RPH3A: variants seen among roughly 807,000 people sequenced by gnomAD.
The protein encoded by RPH3A is rabphilin-3A.
A neutral mutation model predicts 102.2 loss-of-function variants in RPH3A; 48 were observed. That is an observed-to-expected ratio of 0.47 (90% CI 0.37 to 0.60). RPH3A has a LOEUF of 0.60. Ranked by LOEUF, RPH3A falls within the 20% of genes least tolerant of loss-of-function variation. The pLI is 0.00. For synonymous variants in RPH3A, 310 were observed against 324.3 expected (o/e 0.96, Z 0.47); for missense variants, 781 against 910.1 (o/e 0.86, Z 1.83).
intron 1 of RPH3A, among the ~76,000 whole-genome samples, chr12:112,579,219 T>C (rs1164526544): frequency 3.3e-5 from 5 of 152,310 alleles, no homozygotes; most frequent in East Asian, 3.9e-4. Context: ...CGCACTTCCA[T>C]TGGGCAGAGT....
chr12:112,755,137 T>C (rs2040813532), intron 1 of RPH3A, among the ~76,000 whole-genome samples: 1 of 152,306 alleles, frequency 6.6e-6, no homozygotes, highest in Non-Finnish European at 1.5e-5. Context: ...TCACCTGATT[T>C]TTAAAATATC....
intron 20 of RPH3A, chr12:112,895,495 C>T (rs751642400): frequency 1.4e-5 from 5 of 349,998 alleles, no homozygotes; most frequent in Admixed American, 3.7e-5. Context: ...CATTTACCTA[C>T]AAGGAAACTT....
At chr12:112,789,486 A>G (rs1241198506), upstream of RPH3A, among the ~76,000 whole-genome samples, 1 of 152,228 alleles carries the variant, frequency 6.6e-6, no homozygotes, top group East Asian at 1.9e-4. Flanking sequence ...CTGAGTTTGA[A>G]TGCTGTGTCT....
intron 17 of RPH3A, among the ~76,000 whole-genome samples, chr12:112,889,472 C>T (rs969533938): frequency 1.3e-5 from 2 of 152,380 alleles, no homozygotes; most frequent in African/African-American, 4.8e-5. Context: ...CCTTGCACCA[C>T]GAACTTCCCC....
intron 1 of RPH3A, among the ~76,000 whole-genome samples, chr12:112,672,910 T>A (rs1344890058): frequency 2.0e-5 from 3 of 152,046 alleles, no homozygotes; most frequent in African/African-American, 7.3e-5. Flanking sequence ...CAGCCAGAAG[T>A]GTCAAGGCAT....
At chr12:112,615,980 G>C (rs1299095465) in intron 1 of RPH3A, among the ~76,000 whole-genome samples, 1 of 152,098 alleles carries the variant, frequency 6.6e-6, no homozygotes, top group Non-Finnish European at 1.5e-5. Flanking sequence ...CTTGTCCCTA[G>C]GACCCTCTGT....
chr12:112,774,793 G>A (rs1265640385), intron 1 of RPH3A, among the ~76,000 whole-genome samples: 1 of 151,756 alleles, frequency 6.6e-6, no homozygotes, highest in Non-Finnish European at 1.5e-5. Flanking sequence ...GAGGTAGGGG[G>A]CGGAGAGCAG....
At chr12:112,672,812 G>T in intron 1 of RPH3A, among the ~76,000 whole-genome samples, 1 of 152,278 alleles carries the variant, frequency 6.6e-6, no homozygotes, top group South Asian at 2.1e-4. Flanking sequence ...TCTCGCTTCC[G>T]AAGAGACCTT....
intron 21 of RPH3A, among the ~76,000 whole-genome samples, 183 bp from the exon 22 acceptor site, chr12:112,896,467 G>T (rs1402260014): frequency 2.0e-5 from 3 of 152,176 alleles, no homozygotes; most frequent in African/African-American, 4.8e-5. Context: ...GGTTCTTGAG[G>T]CAGAGAAGGA....
At chr12:112,782,926 T>C (rs2041019039) in intron 1 of RPH3A, among the ~76,000 whole-genome samples, 1 of 152,220 alleles carries the variant, frequency 6.6e-6, no homozygotes, top group Admixed American at 6.5e-5. Flanking sequence ...GGACAGAGTC[T>C]CATGGGTCAC....
intron 3 of RPH3A, among the ~76,000 whole-genome samples, chr12:112,834,887 A>ACTTTC (rs1555214419): frequency 6.6e-6 from 1 of 151,424 alleles, no homozygotes; most frequent in Admixed American, 6.6e-5. Context: ...CAAGTCTGTT[A>ACTTTC]CTTTCCTTTT....
intron 15 of RPH3A, 71 bp downstream of exon 15, chr12:112,881,917 C>A: frequency 7.8e-7 from 1 of 1,278,818 alleles, no homozygotes; most frequent in Non-Finnish European, 1.1e-6. Context: ...GTTCTCAGCT[C>A]AGAGCCCAAA....
At chr12:112,710,943 G>A (rs969871293) in intron 1 of RPH3A, among the ~76,000 whole-genome samples, 3 of 152,096 alleles carry the variant, frequency 2.0e-5, no homozygotes, top group Non-Finnish European at 4.4e-5. Flanking sequence ...ATGAATAAGT[G>A]AATGAAACAA....
In RPH3A at chr12:112,762,823, CAG is replaced by C. The variant is rs2040862908; in HGVS notation, c.-139-29313_-139-29312del. Among the ~76,000 whole-genome samples the C allele has an allele frequency of 2.0e-5, 3 of 152,172 alleles. No individual in the cohort carries two copies. In the South Asian group the frequency reaches 6.2e-4, roughly 32 times the overall value. ...GAGAACTCCTTTTTATTTAAGGTTC[CAG>C]AGAGAGTCTGAGATGTCCTCTCACT... On this transcript the variant is annotated intron_variant, in intron 1 of 21. Transcript: ENST00000543106.
At chr12:112,733,103 T>C (rs2040645359) in intron 1 of RPH3A, among the ~76,000 whole-genome samples, 1 of 152,100 alleles carries the variant, frequency 6.6e-6, no homozygotes, top group Non-Finnish European at 1.5e-5. Context: ...ATGTTTGAGA[T>C]AAGAACCTCA....
intron 1 of RPH3A, among the ~76,000 whole-genome samples, chr12:112,712,030 C>A (rs1245567376): frequency 2.0e-5 from 3 of 152,046 alleles, no homozygotes; most frequent in African/African-American, 4.8e-5. Context: ...TGGGGTTTCT[C>A]CATGTTGGTC....
At chr12:112,773,032 A>G (rs1322660324) in intron 1 of RPH3A, among the ~76,000 whole-genome samples, 5 of 151,984 alleles carry the variant, frequency 3.3e-5, no homozygotes, top group Admixed American at 2.0e-4. Context: ...ATAGTCTCCA[A>G]TCTCATCCAG....
In RPH3A at chr12:112,612,373, G is replaced by C. The variant is rs375038947; in HGVS notation, c.-140+37054G>C. Among the ~76,000 whole-genome samples the C allele has an allele frequency of 4.9e-4, 75 of 152,188 alleles. 1 individual carries two copies. Among genetic ancestry groups the C allele is most frequent in the African/African-American group, 1.6e-3 (67 of 41,524 alleles). On this transcript the variant is annotated intron_variant, in intron 1 of 21. Coordinates refer to the RPH3A transcript ENST00000543106. Reference sequence around the variant, plus strand: ...GAACACACACCCCTTTAACGGGCCCGAGAAACAGGGTAGAAAACTTGCAAT... The same window carrying C: ...GAACACACACCCCTTTAACGGGCCCCAGAAACAGGGTAGAAAACTTGCAAT...
chr12:112,878,430 T>G (rs2042845782), intron 13 of RPH3A, among the ~76,000 whole-genome samples: 1 of 152,206 alleles, frequency 6.6e-6, no homozygotes, highest in African/African-American at 2.4e-5. Flanking sequence ...AATGGTTTAT[T>G]GAGCATGTAC....
Sources: gnomAD v4.1 joint callset for allele counts (sites outside exome capture counted in the v4.1 genomes callset) on GRCh38, gnomAD v4.1.1 for gene constraint, MANE v1.5 for transcripts, NCBI Gene and HGNC (gene_info 2026-07-23, HGNC 2026-07-21) for gene names.